COL22A1: variants seen among roughly 807,000 people sequenced by gnomAD.
COL22A1 encodes collagen alpha-1(XXII) chain.
COL22A1 carries 221 observed loss-of-function variants against 248.9 expected under a neutral mutation model. The observed-to-expected ratio is 0.89, with a 90% confidence interval of 0.80 to 0.99. COL22A1 has a LOEUF of 0.99. Ranked by LOEUF, COL22A1 falls within the 50% of genes least tolerant of loss-of-function variation. COL22A1 has a pLI of 0.00. For synonymous variants in COL22A1, 891 were observed against 793.4 expected (o/e 1.12, Z -2.07); for missense variants, 2,240 against 2,179.0 (o/e 1.03, Z -0.56).
chr8:138,794,606 C>A (rs1199343645), intron 12 of COL22A1, among the ~76,000 whole-genome samples: 1 of 152,090 alleles, frequency 6.6e-6, no homozygotes, highest in African/African-American at 2.4e-5. Context: ...TCATGATAGC[C>A]ACGATATGGA....
chr8:138,887,870 C>T (rs1385156633), intron 1 of COL22A1, among the ~76,000 whole-genome samples: 1 of 152,144 alleles, frequency 6.6e-6, no homozygotes, highest in Non-Finnish European at 1.5e-5. Flanking sequence ...TGTGCGGGTG[C>T]TCCTGTCACC....
chr8:138,886,851 C>A (rs936667638), intron 1 of COL22A1, among the ~76,000 whole-genome samples: 2 of 152,158 alleles, frequency 1.3e-5, no homozygotes, highest in Non-Finnish European at 2.9e-5. Context: ...GCAGGCTGTT[C>A]TCCATCCCCT....
intron 41 of COL22A1, among the ~76,000 whole-genome samples, chr8:138,672,496 T>C (rs749383719): frequency 2.2e-4 from 33 of 152,222 alleles, no homozygotes; most frequent in East Asian, 1.9e-4. Context: ...CCATGCTTCC[T>C]GCCTCTCTTA....
intron 58 of COL22A1, among the ~76,000 whole-genome samples, chr8:138,605,980 T>C (rs1208298940): frequency 6.6e-6 from 1 of 152,186 alleles, no homozygotes; most frequent in Non-Finnish European, 1.5e-5. Context: ...TCAACACCAT[T>C]GTCCCACCAC....
At chr8:138,891,021 A>T (rs1236563047) in intron 1 of COL22A1, among the ~76,000 whole-genome samples, 2 of 147,250 alleles carry the variant, frequency 1.4e-5, no homozygotes, top group African/African-American at 5.0e-5. Context: ...GACTCCGTAT[A>T]AAAAAAAAAA....
intron 1 of COL22A1, among the ~76,000 whole-genome samples, chr8:138,906,377 A>AAAAC (rs1330683684): frequency 6.6e-6 from 1 of 151,326 alleles, no homozygotes; most frequent in Non-Finnish European, 1.5e-5. Context: ...CTCAAAAAAA[A>AAAAC]AAAATTACCT....
At chr8:138,589,526 A>G (rs1816859789) in intron 64 of COL22A1, 86 bp from the exon 65 acceptor site, 5 of 1,148,358 alleles carry the variant, frequency 4.4e-6, no homozygotes, top group Non-Finnish European at 5.9e-6. Flanking sequence ...TCCATTCACT[A>G]TGAACTCAGG....
intron 6 of COL22A1, among the ~76,000 whole-genome samples, chr8:138,825,082 C>T (rs1223075502): frequency 6.6e-6 from 1 of 152,098 alleles, no homozygotes; most frequent in Non-Finnish European, 1.5e-5. Flanking sequence ...ATGTCAGGTG[C>T]CCAGTCCCAC....
At chr8:138,700,803 T>C (rs1827896058) in intron 31 of COL22A1, among the ~76,000 whole-genome samples, 1 of 152,054 alleles carries the variant, frequency 6.6e-6, no homozygotes, top group South Asian at 2.1e-4. Flanking sequence ...GCTAACATGG[T>C]GAAACCCAGT....
chr8:138,698,533 G>C (rs1324589163), intron 32 of COL22A1, among the ~76,000 whole-genome samples: 2 of 152,224 alleles, frequency 1.3e-5, no homozygotes, highest in East Asian at 3.8e-4. Context: ...TGGGAGAGCA[G>C]GTGAGAAGAC....
intron 62 of COL22A1, among the ~76,000 whole-genome samples, chr8:138,596,108 G>A (rs1817519806): frequency 6.6e-6 from 1 of 152,170 alleles, no homozygotes; most frequent in African/African-American, 2.4e-5. Flanking sequence ...AGGCTGCTTT[G>A]GGTTAACACT....
intron 41 of COL22A1, among the ~76,000 whole-genome samples, chr8:138,664,207 G>GCT (rs1389915577): frequency 1.1e-5 from 1 of 87,560 alleles, no homozygotes. Context: ...GCGCGCGCGC[G>GCT]CGCACACACA....
chr8:138,778,859 G>C (rs1814712957), intron 14 of COL22A1, among the ~76,000 whole-genome samples: 1 of 152,220 alleles, frequency 6.6e-6, no homozygotes, highest in Non-Finnish European at 1.5e-5. Context: ...TCCTGACAAA[G>C]AGCTCAGAAG....
intron 12 of COL22A1, among the ~76,000 whole-genome samples, chr8:138,790,215 T>C (rs574219836): frequency 2.6e-5 from 4 of 152,320 alleles, no homozygotes; most frequent in African/African-American, 9.6e-5. Context: ...TTTTGGTTCA[T>C]AGATGGCTGT....
chr8:138,802,724 G>C (rs942340848), intron 11 of COL22A1, 148 bp downstream of exon 11: 1 of 691,236 alleles, frequency 1.4e-6, no homozygotes, highest in Non-Finnish European at 2.6e-6. Context: ...AGAGGAGCTA[G>C]GGCTTCATCT....
chr8:138,797,401 G>T (rs183930995), intron 11 of COL22A1, among the ~76,000 whole-genome samples: 199 of 152,216 alleles, frequency 1.3e-3, no homozygotes, highest in Admixed American at 2.4e-3. Context: ...GTCTTTCCAA[G>T]GTTAATCCAT....
intron 22 of COL22A1, among the ~76,000 whole-genome samples, chr8:138,741,683 T>C (rs1480558370): frequency 6.6e-6 from 1 of 152,244 alleles, no homozygotes; most frequent in African/African-American, 2.4e-5. Context: ...TGTGTTCTTG[T>C]AGTGGGTGAT....
chr8:138,692,823 G>T (rs1167058938), intron 35 of COL22A1, among the ~76,000 whole-genome samples: 1 of 152,056 alleles, frequency 6.6e-6, no homozygotes, highest in African/African-American at 2.4e-5. Context: ...CACAAGCAGG[G>T]AGGAGTTGCC....
intron 3 of COL22A1, among the ~76,000 whole-genome samples, chr8:138,854,617 T>A (rs1270911760): frequency 1.3e-5 from 2 of 152,170 alleles, no homozygotes; most frequent in Non-Finnish European, 2.9e-5. Context: ...CAATGAGAAA[T>A]GTCACCTTTA....
Sources: allele counts gnomAD v4.1 joint callset (sites outside exome capture counted in the v4.1 genomes callset), GRCh38; gene constraint gnomAD v4.1.1; transcripts MANE v1.5; gene names NCBI Gene and HGNC (gene_info 2026-07-23, HGNC 2026-07-21).